KIAA0586: variants seen among roughly 807,000 people sequenced by gnomAD.
KIAA0586 encodes KIAA0586.
KIAA0586 carries 144 observed loss-of-function variants against 169.8 expected under a neutral mutation model. The ratio of observed to expected loss-of-function variants is 0.85; its 90% CI spans 0.74 to 0.97. The LOEUF is 0.97. KIAA0586 is among the 50% of genes least tolerant of loss of function. KIAA0586 has a pLI of 0.00. For synonymous variants in KIAA0586, 625 were observed against 612.4 expected (o/e 1.02, Z -0.30); for missense variants, 1,854 against 1,823.0 (o/e 1.02, Z -0.31).
At chr14:58,484,894 A>ATATATATATTTATATATATT (rs1397286434) in intron 21 of KIAA0586, among the ~76,000 whole-genome samples, 4 of 5,834 alleles carry the variant, frequency 6.9e-4, no homozygotes, top group Non-Finnish European at 8.8e-4. Flanking sequence ...ATATATTTAT[A>ATATATATATTTATATATATT]TATATATATA....
At chr14:58,521,504 C>T (rs945016134) in intron 29 of KIAA0586, 11 of 764,466 alleles carry the variant, frequency 1.4e-5, no homozygotes, top group Non-Finnish European at 2.6e-5. Flanking sequence ...AGTTACCCAG[C>T]ACATGTTCCT....
intron 29 of KIAA0586, among the ~76,000 whole-genome samples, chr14:58,515,485 G>A (rs1242723397): frequency 1.3e-5 from 2 of 151,930 alleles, no homozygotes; most frequent in Non-Finnish European, 2.9e-5. Flanking sequence ...GACCACGTGC[G>A]CAAATTATTT....
chr14:58,519,322 C>T (rs2045014385), intron 29 of KIAA0586, among the ~76,000 whole-genome samples: 1 of 152,114 alleles, frequency 6.6e-6, no homozygotes, highest in Admixed American at 6.6e-5. Flanking sequence ...TCATTGCATC[C>T]TCAACCTCCT....
Position 58,549,124 on chromosome 14 carries a change from T to C in KIAA0586, c.*1192T>C, listed in dbSNP as rs1306336966. On this transcript the variant is annotated 3_prime_UTR_variant, in exon 31 of 31. Coordinates refer to ENST00000652326, the MANE Select transcript of KIAA0586 (RefSeq NM_001329943.3). ...CAGCCTAGCACTAGTGAAAAAAATT[T>C]ACCTCCCAGAAAAATCATTTTCTGT... 1 of 152,194 alleles carries C rather than the reference T, an allele frequency of 6.6e-6. No homozygotes were observed. The highest frequency in any genetic ancestry group is 1.5e-5 in the Non-Finnish European group (1 of 68,030). 9.4% of individuals were successfully genotyped at this position (152,194 alleles called of 1,614,324 possible).
intron 25 of KIAA0586, among the ~76,000 whole-genome samples, chr14:58,490,734 AT>A (rs1388852690): frequency 6.6e-6 from 1 of 152,116 alleles, no homozygotes; most frequent in Non-Finnish European, 1.5e-5. Context: ...GTATTTAAAA[AT>A]ATCACATTAT....
Position 58,488,824 on chromosome 14 carries a change from T to C in KIAA0586, c.3731T>C (p.Ile1244Thr), listed in dbSNP as rs2042647190. 6.2e-7 allele frequency: 1 copy of C among 1,613,712 alleles called. No homozygotes were observed. Among genetic ancestry groups the C allele is most frequent in the Non-Finnish European group, 8.5e-7 (1 of 1,179,802 alleles). The change falls in exon 24 of 31, where the codon ATC (isoleucine) becomes ACC (threonine). Residue 1244 changes from isoleucine (I) to threonine (T), a missense_variant. Physicochemically the swap from Ile to Thr is moderately conservative, Grantham distance 89. Transcript: ENST00000652326. ...VTETETLDKPISEGEILFSCG... is the reference protein window; with the variant it reads ...VTETETLDKPTSEGEILFSCG... ...GAAACTGAAACTTTAGATAAACCCA[T>C]CTCTGAAGGAGAGATTTTATTTAGC...
At chr14:58,526,142 A>G (rs2045569896) in intron 29 of KIAA0586, among the ~76,000 whole-genome samples, 1 of 152,216 alleles carries the variant, frequency 6.6e-6, no homozygotes, top group Non-Finnish European at 1.5e-5. Flanking sequence ...GCTTCAGCAG[A>G]CAGATGTTCC....
intron 26 of KIAA0586, among the ~76,000 whole-genome samples, chr14:58,493,627 AT>A (rs1177421464): frequency 1.3e-5 from 2 of 152,194 alleles, no homozygotes; most frequent in Admixed American, 1.3e-4. Flanking sequence ...AAGATATAAA[AT>A]TTAGTAATGG....
the KIAA0586 span, among the ~76,000 whole-genome samples, chr14:58,560,325 A>C: frequency 6.6e-6 from 1 of 152,174 alleles, no homozygotes; most frequent in African/African-American, 2.4e-5. Context: ...TGCACAGCTG[A>C]GTAATGGTGA....
intron 14 of KIAA0586, among the ~76,000 whole-genome samples, chr14:58,465,302 G>C (rs150462989): frequency 1.9e-4 from 29 of 152,240 alleles, no homozygotes; most frequent in Middle Eastern, 3.4e-3. Context: ...ATTATGTTGT[G>C]TGTAAAGGTG....
At chr14:58,523,061 A>G (rs1474700249) in intron 29 of KIAA0586, among the ~76,000 whole-genome samples, 1 of 150,312 alleles carries the variant, frequency 6.7e-6, no homozygotes, top group Non-Finnish European at 1.5e-5. Context: ...TCTATGTCAT[A>G]TATATATATA....
At chr14:58,466,691 C>G (rs2040800101) in intron 15 of KIAA0586, among the ~76,000 whole-genome samples, 2 of 152,142 alleles carry the variant, frequency 1.3e-5, no homozygotes, top group Non-Finnish European at 2.9e-5. Flanking sequence ...GATTATGCCA[C>G]TGTACTCCAG....
At chr14:58,537,156 A>G (rs1180811094) in intron 29 of KIAA0586, 1 of 1,074,968 alleles carries the variant, frequency 9.3e-7, no homozygotes, top group Non-Finnish European at 1.1e-6. Flanking sequence ...TCGTAAATCA[A>G]CAAGTGAGAA....
intron 29 of KIAA0586, among the ~76,000 whole-genome samples, chr14:58,518,223 A>C (rs1301185708): frequency 2.6e-5 from 4 of 152,182 alleles, no homozygotes; most frequent in South Asian, 2.1e-4. Flanking sequence ...TTTGTTGTTA[A>C]AAGGTGTGTA....
chr14:58,532,239 C>G (rs2046022484), intron 29 of KIAA0586, among the ~76,000 whole-genome samples: 1 of 151,578 alleles, frequency 6.6e-6, no homozygotes, highest in Non-Finnish European at 1.5e-5. Context: ...ATGCAGCAGA[C>G]AAGAGGAGGT....
At chr14:58,482,204 T>G (rs2042078882) in intron 20 of KIAA0586, among the ~76,000 whole-genome samples, 1 of 151,732 alleles carries the variant, frequency 6.6e-6, no homozygotes, top group Non-Finnish European at 1.5e-5. Context: ...GGCAGGTGTA[T>G]CACCTGATGT....
chr14:58,460,102 T>C (rs182070262), intron 13 of KIAA0586, 32 bp downstream of exon 13: 7 of 1,229,512 alleles, frequency 5.7e-6, no homozygotes, highest in Admixed American at 2.4e-5. Context: ...TTAACATAAT[T>C]GTTGTGTTAT....
chr14:58,471,468 C>T (rs1248386560), intron 17 of KIAA0586, among the ~76,000 whole-genome samples: 1 of 152,192 alleles, frequency 6.6e-6, no homozygotes, highest in Non-Finnish European at 1.5e-5. Flanking sequence ...GAAGTTATGG[C>T]TTTACTACAC....
chr14:58,551,957 TTAAC>T (rs1390313342), downstream of KIAA0586, among the ~76,000 whole-genome samples: 1 of 152,126 alleles, frequency 6.6e-6, no homozygotes, highest in Non-Finnish European at 1.5e-5. Flanking sequence ...GTGCATCTGT[TTAAC>T]AAACATGAAG....
Sources: gnomAD v4.1 joint callset for allele counts (sites outside exome capture counted in the v4.1 genomes callset) on GRCh38, gnomAD v4.1.1 for gene constraint, MANE v1.5 for transcripts, NCBI Gene and HGNC (gene_info 2026-07-23, HGNC 2026-07-21) for gene names.